UNC5C: variants seen among roughly 807,000 people sequenced by gnomAD.
The protein encoded by UNC5C is netrin receptor UNC5C.
Under a neutral mutation model 99.8 loss-of-function variants are expected in UNC5C, and 47 were observed. That is an observed-to-expected ratio of 0.47 (90% CI 0.37 to 0.60). The LOEUF is 0.60. UNC5C is among the 20% of genes least tolerant of loss of function. The probability of loss-of-function intolerance (pLI) is 0.00; values close to 1 mark genes in which losing one functional copy is unlikely to be tolerated. For missense variants in UNC5C, 1,062 were observed against 1,165.9 expected, an observed-to-expected ratio of 0.91 and a Z score of 1.30; for synonymous variants, 487 against 452.2, an observed-to-expected ratio of 1.08 and a Z score of -0.98.
At chr4:95,545,585 A>G (rs1171826598) in intron 1 of UNC5C, among the ~76,000 whole-genome samples, 1 of 152,048 alleles carries the variant, frequency 6.6e-6, no homozygotes, top group Non-Finnish European at 1.5e-5. Context: ...GATAATAGGG[A>G]ATTATCCCAA....
chr4:95,356,193 C>CAAAAAAAAAAAAAAAAAA (rs59097041), intron 1 of UNC5C, among the ~76,000 whole-genome samples: 32 of 57,980 alleles, frequency 5.5e-4, no homozygotes, highest in South Asian at 1.2e-3. Context: ...GACCCTGTAG[C>CAAAAAAAAAAAAAAAAAA]AAAAAAAAAA....
At chr4:95,404,836 T>A (rs1373903969) in intron 1 of UNC5C, among the ~76,000 whole-genome samples, 1 of 152,032 alleles carries the variant, frequency 6.6e-6, no homozygotes, top group Non-Finnish European at 1.5e-5. Context: ...AGCCAGCAGA[T>A]CAGCAGATGG....
intron 1 of UNC5C, among the ~76,000 whole-genome samples, chr4:95,430,131 A>G (rs889760476): frequency 3.3e-5 from 5 of 152,122 alleles, no homozygotes; most frequent in Admixed American, 2.0e-4. Flanking sequence ...TACAACAGTA[A>G]GAGTGAACCC....
chr4:95,212,042 A>G (rs1429909571), intron 10 of UNC5C, among the ~76,000 whole-genome samples: 2 of 152,186 alleles, frequency 1.3e-5, no homozygotes, highest in African/African-American at 4.8e-5. Flanking sequence ...GTCAACTACT[A>G]TTTTACAAAA....
At chr4:95,460,195 G>GTTTT (rs564653832) in intron 1 of UNC5C, among the ~76,000 whole-genome samples, 146 of 72,316 alleles carry the variant, frequency 2.0e-3, no homozygotes, top group Non-Finnish European at 2.8e-3. Context: ...TGTCCATGTG[G>GTTTT]TGTTTTTTTT....
At position 95,333,724 on chromosome 4, in the gene UNC5C, TA is replaced by T. The variant is rs533432874; in HGVS notation, c.346+1685del. ...TACCCTAAAACTTAAAGTATAATAA[TA>T]AAAAAAGAATAGTTTTGTTTCTATT... On this transcript the variant is annotated intron_variant, in intron 2 of 15. Transcript: ENST00000453304. Among the ~76,000 whole-genome samples the T allele has an allele frequency of 7.2e-3, 1,101 of 151,994 alleles. 9 individuals carry two copies. The highest frequency in any genetic ancestry group is 9.8e-3 in the Non-Finnish European group (668 of 67,884).
intron 4 of UNC5C, among the ~76,000 whole-genome samples, chr4:95,273,895 A>G (rs1740756461): frequency 6.6e-6 from 1 of 152,080 alleles, no homozygotes; most frequent in African/African-American, 2.4e-5. Context: ...AGATCTCTCA[A>G]TAGGATTGCA....
chr4:95,460,844 C>G (rs1434066989), intron 1 of UNC5C, among the ~76,000 whole-genome samples: 1 of 152,122 alleles, frequency 6.6e-6, no homozygotes, highest in Non-Finnish European at 1.5e-5. Context: ...CCTGGGTCCA[C>G]CCACTATTAC....
At chr4:95,271,221 A>AT (rs1437850657) in intron 4 of UNC5C, among the ~76,000 whole-genome samples, 25 of 123,876 alleles carry the variant, frequency 2.0e-4, no homozygotes, top group Non-Finnish European at 1.4e-4. Context: ...GCTGAGGTTT[A>AT]TTTTTTATTT....
At chr4:95,546,079 C>T (rs570805235) in intron 1 of UNC5C, among the ~76,000 whole-genome samples, 7 of 152,324 alleles carry the variant, frequency 4.6e-5, no homozygotes, top group African/African-American at 1.4e-4. Context: ...ATACATACTT[C>T]TAATTTTTGC....
At position 95,250,576 on chromosome 4, in the gene UNC5C, G is replaced by A; in HGVS notation, c.686C>T (p.Ala229Val). ...TIDHNLIIKQ[A>V]RLSDTANYTC... ...GTAATTTGCAGTATCAGAGAGTCGG[G>A]CCTGCTTTATGATGAGGTTGTGATC... The change falls in exon 5 of 16, where the codon GCC becomes GTC. Residue 229 changes from alanine to valine, a missense_variant. By Grantham distance (64) the Ala-to-Val change is moderately conservative. This residue lies in a region of UNC5C where 249 missense variants were observed against 295.1 expected (regional missense o/e 0.84). Coordinates refer to ENST00000453304, the MANE Select transcript of UNC5C (RefSeq NM_003728.4). The A allele has an allele frequency of 1.9e-6, 3 of 1,613,908 alleles. No individual in the cohort carries two copies. Among genetic ancestry groups the A allele is most frequent in the South Asian group, 2.2e-5 (2 of 91,060 alleles).
At chr4:95,222,577 C>T (rs551718108) in intron 7 of UNC5C, among the ~76,000 whole-genome samples, 2 of 152,214 alleles carry the variant, frequency 1.3e-5, no homozygotes, top group South Asian at 2.1e-4. Context: ...CATCAGGGGT[C>T]ATTAGCATAA....
intron 1 of UNC5C, among the ~76,000 whole-genome samples, chr4:95,530,139 T>C (rs1335336884): frequency 6.6e-6 from 1 of 152,196 alleles, no homozygotes; most frequent in African/African-American, 2.4e-5. Flanking sequence ...CCTGGTAAAT[T>C]TCCAGAATAA....
intron 1 of UNC5C, among the ~76,000 whole-genome samples, chr4:95,413,191 T>G (rs1746048780): frequency 6.6e-6 from 1 of 152,146 alleles, no homozygotes; most frequent in Non-Finnish European, 1.5e-5. Flanking sequence ...TTGTTGGAGT[T>G]ATAATTTGCT....
chr4:95,532,795 A>G (rs919399430), intron 1 of UNC5C, among the ~76,000 whole-genome samples: 1 of 152,034 alleles, frequency 6.6e-6, no homozygotes, highest in Non-Finnish European at 1.5e-5. Flanking sequence ...GGGAGGGTTC[A>G]TGGTCCGGGA....
At chr4:95,359,523 G>A (rs904327855) in intron 1 of UNC5C, among the ~76,000 whole-genome samples, 4 of 150,750 alleles carry the variant, frequency 2.7e-5, no homozygotes, top group African/African-American at 9.7e-5. Flanking sequence ...TCTTTATGAA[G>A]CCATTTTTCT....
intron 12 of UNC5C, among the ~76,000 whole-genome samples, chr4:95,200,261 T>TTGA (rs1257799422): frequency 1.3e-5 from 2 of 152,240 alleles, no homozygotes; most frequent in African/African-American, 2.4e-5. Context: ...CTTGGCTTCC[T>TTGA]TGATTCATTT....
intron 7 of UNC5C, among the ~76,000 whole-genome samples, chr4:95,233,244 T>C (rs1475073127): frequency 6.6e-6 from 1 of 152,192 alleles, no homozygotes; most frequent in Admixed American, 6.5e-5. Flanking sequence ...GCAGAATGCC[T>C]AACATTTTAA....
intron 3 of UNC5C, among the ~76,000 whole-genome samples, chr4:95,295,286 AAC>A (rs1741633838): frequency 6.6e-6 from 1 of 152,310 alleles, no homozygotes; most frequent in East Asian, 1.9e-4. Context: ...TTGTAGTGGC[AAC>A]TTGAATTCTC....
Sources: allele counts gnomAD v4.1 joint callset (sites outside exome capture counted in the v4.1 genomes callset), GRCh38; gene constraint gnomAD v4.1.1; regional missense constraint gnomAD v4.1.1; transcripts MANE v1.5; gene names NCBI Gene and HGNC (gene_info 2026-07-23, HGNC 2026-07-21).